The following HUNK variants were observed in gnomAD, a reference collection of about 807,000 sequenced individuals.
HUNK encodes hormonally up-regulated neu tumor-associated kinase.
HUNK carries 21 observed loss-of-function variants against 61.0 expected under a neutral mutation model. The ratio of observed to expected loss-of-function variants is 0.34; its 90% confidence interval spans 0.24 to 0.50. The LOEUF is 0.50. Among genes scored for constraint, HUNK ranks in the 20% least tolerant of loss-of-function variants. The pLI, the probability that HUNK is intolerant of heterozygous loss-of-function variation, is 0.98. For synonymous variants in HUNK, 371 were observed against 386.1 expected, an observed-to-expected ratio of 0.96 and a Z score of 0.46; for missense variants, 772 against 945.7, an observed-to-expected ratio of 0.82 and a Z score of 2.41.
chr21:31,953,569 A>C (rs1196008828), intron 4 of HUNK, among the ~76,000 whole-genome samples: 1 of 152,242 alleles, frequency 6.6e-6, no homozygotes, highest in Non-Finnish European at 1.5e-5. Context: ...CAGTACAAAT[A>C]AAACTGTAGC....
intron 1 of HUNK, among the ~76,000 whole-genome samples, chr21:31,921,100 C>T (rs182276360): frequency 2.8e-5 from 4 of 143,332 alleles, no homozygotes; most frequent in East Asian, 2.1e-4. Context: ...TGCAGGGAGC[C>T]GCCAAGATTG....
chr21:31,982,555 C>T (rs141075797), intron 7 of HUNK, among the ~76,000 whole-genome samples: 81 of 152,238 alleles, frequency 5.3e-4, no homozygotes, highest in African/African-American at 1.9e-3. Flanking sequence ...CCACGAAGTT[C>T]GTATTTTAAG....
chr21:31,968,753 T>A (rs78327383), intron 6 of HUNK, among the ~76,000 whole-genome samples: 60,678 of 115,208 alleles, frequency 0.53, 13,500 homozygotes, highest in South Asian at 0.63. Flanking sequence ...TGTGTGTGTG[T>A]GAGAGAGAGA....
At chr21:31,938,033 C>G (rs73350757) in intron 2 of HUNK, among the ~76,000 whole-genome samples, 3,663 of 152,302 alleles carry the variant, frequency 0.024, 140 homozygotes, top group African/African-American at 0.084. Flanking sequence ...CATGGATCTT[C>G]CTTCTCAGCC....
chr21:31,985,558 TG>T (rs1347013201), intron 8 of HUNK, among the ~76,000 whole-genome samples: 1 of 152,028 alleles, frequency 6.6e-6, no homozygotes, highest in Non-Finnish European at 1.5e-5. Context: ...AGACAGACCC[TG>T]GGGCAGAGAG....
At chr21:31,988,841 C>T (rs2053152347) in intron 8 of HUNK, among the ~76,000 whole-genome samples, 1 of 150,710 alleles carries the variant, frequency 6.6e-6, no homozygotes, top group African/African-American at 2.4e-5. Flanking sequence ...CCTCCCCTCC[C>T]CTCCTTCCTT....
chr21:31,969,476 C>G (rs1330026622), intron 6 of HUNK, among the ~76,000 whole-genome samples: 2 of 152,204 alleles, frequency 1.3e-5, no homozygotes, highest in African/African-American at 4.8e-5. Context: ...CAGACAGGAA[C>G]CCACAGCATA....
At chr21:31,884,783 T>C (rs1431415287) in intron 1 of HUNK, among the ~76,000 whole-genome samples, 1 of 151,848 alleles carries the variant, frequency 6.6e-6, no homozygotes, top group African/African-American at 2.4e-5. Context: ...TCTTCTTTTT[T>C]TTTTCTTTTT....
chr21:31,969,032 C>T (rs954967506), intron 6 of HUNK, among the ~76,000 whole-genome samples: 4 of 152,024 alleles, frequency 2.6e-5, no homozygotes, highest in Non-Finnish European at 5.9e-5. Context: ...GAACGTGCCA[C>T]CACACCAGGC....
intron 6 of HUNK, 79 bp from the exon 7 acceptor site, chr21:31,974,476 C>G: frequency 7.6e-7 from 1 of 1,315,276 alleles, no homozygotes; most frequent in Non-Finnish European, 1.0e-6. Flanking sequence ...ATGAATGAAG[C>G]TGATTGTGCC....
Position 31,873,842 on chromosome 21 carries a change from G to A in HUNK, c.168G>A (p.Lys56=), listed in dbSNP as rs1026515323. ...GGCTCCGCGACTTCCAGCACCACAA[G>A]CGCGTGGGCAACTACCTCATCGGCA... The part of the protein sequence containing the change: ...RERLRDFQHH[K]RVGNYLIGSR... Residue 56 remains lysine, a synonymous_variant, in exon 1 of 11, where the codon AAG becomes AAA. Transcript: ENST00000270112. The surrounding 1 kb of genome is among the most constrained non-coding windows in gnomAD (Gnocchi z 6.1). The A allele has an allele frequency of 1.3e-6, 2 of 1,585,722 alleles. No individual in the cohort carries two copies. Among genetic ancestry groups the A allele is most frequent in the African/African-American group, 1.4e-5 (1 of 72,086 alleles).
At chr21:31,958,795 TC>T in intron 4 of HUNK, 47 bp from the exon 5 acceptor site, 1 of 1,515,556 alleles carries the variant, frequency 6.6e-7, no homozygotes, top group Non-Finnish European at 8.9e-7. Flanking sequence ...AGTCTTCCCC[TC>T]CCCAGGGGAC....
rs185295191 is a variant in HUNK, at chr21:31,883,876, C to T, written c.261+9941C>T. On this transcript the variant is annotated intron_variant, in intron 1 of 10. Coordinates refer to ENST00000270112, the MANE Select transcript of HUNK (RefSeq NM_014586.2). Reference sequence around the variant, plus strand: ...TTGGGTCACCTTGGTTTGTTAACACCGGTGCCAGTTGGGCTACAGTTGTAG... The same window carrying T: ...TTGGGTCACCTTGGTTTGTTAACACTGGTGCCAGTTGGGCTACAGTTGTAG... Among the ~76,000 whole-genome samples the T allele has an allele frequency of 3.7e-4, 57 of 152,220 alleles. 1 individual carries two copies. The highest frequency in any genetic ancestry group is 5.4e-4 in the Non-Finnish European group (37 of 68,030).
chr21:31,974,413 G>T (rs1601405673), intron 6 of HUNK, 142 bp from the exon 7 acceptor site: 1 of 745,860 alleles, frequency 1.3e-6, no homozygotes, highest in East Asian at 2.7e-5. Context: ...CCGCTTTTCT[G>T]AATACGAGAA....
At chr21:31,952,689 G>A (rs936180066) in intron 4 of HUNK, among the ~76,000 whole-genome samples, 2 of 151,802 alleles carry the variant, frequency 1.3e-5, no homozygotes, top group African/African-American at 2.4e-5. Context: ...TATTTCATAA[G>A]TAAGGGCCCT....
At chr21:31,963,595 C>T (rs1302519640) in intron 5 of HUNK, among the ~76,000 whole-genome samples, 1 of 152,168 alleles carries the variant, frequency 6.6e-6, no homozygotes, top group Non-Finnish European at 1.5e-5. Flanking sequence ...CCTCCGAAAC[C>T]AAGCAGTCTT....
At chr21:31,927,109 C>T (rs969614299) in intron 2 of HUNK, among the ~76,000 whole-genome samples, 10 of 151,874 alleles carry the variant, frequency 6.6e-5, no homozygotes, top group South Asian at 2.1e-4. Context: ...GGCACAATCT[C>T]GGCTCACTGC....
intron 7 of HUNK, among the ~76,000 whole-genome samples, chr21:31,982,076 T>G (rs1568940905): frequency 6.6e-6 from 1 of 152,126 alleles, no homozygotes; most frequent in Admixed American, 6.5e-5. Context: ...TTCTTTCTCT[T>G]GCCTAAGTGC....
chr21:31,894,254 GAAGA>G, intron 1 of HUNK, among the ~76,000 whole-genome samples: 1 of 152,298 alleles, frequency 6.6e-6, no homozygotes, highest in African/African-American at 2.4e-5. Flanking sequence ...GAAGGGAAAG[GAAGA>G]AAGAAAAGAG....
Sources: allele counts gnomAD v4.1 joint callset (sites outside exome capture counted in the v4.1 genomes callset), GRCh38; gene constraint gnomAD v4.1.1; non-coding constraint Gnocchi (gnomAD v3.1); transcripts MANE v1.5; gene names NCBI Gene and HGNC (gene_info 2026-07-23, HGNC 2026-07-21).